Variants in ADCY9 observed in about 807,000 individuals in gnomAD.
ADCY9 encodes the protein adenylate cyclase type 9.
A neutral mutation model predicts 101.5 loss-of-function variants in ADCY9; 50 were observed. The observed-to-expected ratio is 0.49, with a 90% CI of 0.39 to 0.62. ADCY9 has a LOEUF of 0.62. Ranked by LOEUF, ADCY9 falls within the 20% of genes least tolerant of loss-of-function variation. ADCY9 has a pLI of 0.00. For synonymous variants in ADCY9, 905 were observed against 769.3 expected (o/e 1.18, Z -2.92); for missense variants, 1,662 against 1,800.4 (o/e 0.92, Z 1.39).
At chr16:4,105,037 C>G (rs948813226) in intron 2 of ADCY9, among the ~76,000 whole-genome samples, 2 of 142,596 alleles carry the variant, frequency 1.4e-5, no homozygotes, top group Non-Finnish European at 3.0e-5. Flanking sequence ...CCACTGCACT[C>G]CAATGTGGGC....
intron 2 of ADCY9, among the ~76,000 whole-genome samples, chr16:4,072,818 C>T (rs995902529): frequency 2.0e-5 from 3 of 151,630 alleles, no homozygotes; most frequent in Non-Finnish European, 4.4e-5. Context: ...TTAAAAGCTG[C>T]CGGGGTGACA....
chr16:4,113,909 T>G lies in ADCY9; in HGVS notation c.1534A>C (p.Asn512His). ...MRRFKFDVWS[N>H]DVNLANLMEQ... ...ATGAGATTGGCCAGGTTCACATCGT[T>G]GGACCACACGTCAAATTTAAACCTC... Residue 512 changes from asparagine (N) to histidine (H), a missense_variant, in exon 2 of 11, where the codon AAC becomes CAC. By Grantham distance (68) the Asn-to-His change is moderately conservative (BLOSUM62 1). Around this residue, in one of 5 missense-constraint regions of ADCY9, gnomAD observed 228 missense variants for 301.1 expected, o/e 0.76. Transcript: ENST00000294016. The G allele has an allele frequency of 6.2e-7, 1 of 1,614,202 alleles. No homozygotes were observed. The highest frequency in any genetic ancestry group is 8.5e-7 in the Non-Finnish European group (1 of 1,180,030).
At position 4,104,086 on chromosome 16, in the gene ADCY9, G is replaced by A. The variant is rs145761492; in HGVS notation, c.1693+9664C>T. Among the ~76,000 whole-genome samples, 281 of 152,262 alleles carry A rather than the reference G, an allele frequency of 1.8e-3. 1 individual carries two copies. The highest frequency in any genetic ancestry group is 6.5e-3 in the African/African-American group (269 of 41,558). On this transcript the variant is annotated intron_variant, in intron 2 of 10. Coordinates refer to ENST00000294016, the MANE Select transcript of ADCY9 (RefSeq NM_001116.4). ...TACACGTGACCTACAGACAAACCAC[G>A]GTCGTTCAGGCTTGAGTACGGGCAG... is the stretch of plus-strand genomic sequence containing the variant.
intron 2 of ADCY9, among the ~76,000 whole-genome samples, chr16:4,030,666 G>A (rs751482869): frequency 2.0e-5 from 3 of 151,796 alleles, no homozygotes; most frequent in Admixed American, 1.3e-4. Context: ...TCATGGCATC[G>A]CGCTCCAGCC....
At chr16:4,081,136 G>C (rs1008964664) in intron 2 of ADCY9, among the ~76,000 whole-genome samples, 1 of 152,196 alleles carries the variant, frequency 6.6e-6, no homozygotes, top group African/African-American at 2.4e-5. Flanking sequence ...GGCCTGGGGA[G>C]GGACGGTGGC....
At chr16:4,110,376 CTTTTTTTTTTTT>C (rs1170090126) in intron 2 of ADCY9, among the ~76,000 whole-genome samples, 2 of 110,742 alleles carry the variant, frequency 1.8e-5, no homozygotes, top group Non-Finnish European at 3.6e-5. Flanking sequence ...CTTATACCTA[CTTTTTTTTTTTT>C]TTTTTTTTTT....
intron 2 of ADCY9, among the ~76,000 whole-genome samples, chr16:4,038,031 T>C (rs1357220822): frequency 6.6e-6 from 1 of 152,190 alleles, no homozygotes; most frequent in Non-Finnish European, 1.5e-5. Context: ...CCCAACAGTT[T>C]GGGAGGCTGA....
intron 2 of ADCY9, among the ~76,000 whole-genome samples, chr16:4,023,784 C>T (rs1000375327): frequency 6.6e-6 from 1 of 152,020 alleles, no homozygotes. Context: ...GGGGTACATG[C>T]CTGTGATCCC....
At chr16:4,107,550 CAAAAAAAAAAAAA>C (rs61565312) in intron 2 of ADCY9, among the ~76,000 whole-genome samples, 86 of 72,828 alleles carry the variant, frequency 1.2e-3, no homozygotes, top group Admixed American at 2.1e-3. Context: ...GACTCTGTCT[CAAAAAAAAAAAAA>C]AAAAAAAAAA....
chr16:4,033,773 G>A (rs2601802), intron 2 of ADCY9, among the ~76,000 whole-genome samples: 1 of 152,276 alleles, frequency 6.6e-6, no homozygotes, highest in Non-Finnish European at 1.5e-5. Context: ...CCTGGGTTCA[G>A]ATCCCAATTC....
At chr16:4,067,929 T>C (rs115664083) in intron 2 of ADCY9, among the ~76,000 whole-genome samples, 4,522 of 152,262 alleles carry the variant, frequency 0.03, 213 homozygotes, top group African/African-American at 0.1. Flanking sequence ...AACTGCAACA[T>C]AGAATTTAAT....
At chr16:4,086,334 C>T (rs896639342) in intron 2 of ADCY9, among the ~76,000 whole-genome samples, 11 of 152,080 alleles carry the variant, frequency 7.2e-5, no homozygotes, top group African/African-American at 2.4e-4. Flanking sequence ...CCATGTACTA[C>T]GTGGCAGGGG....
intron 2 of ADCY9, among the ~76,000 whole-genome samples, chr16:4,015,977 A>G (rs1445411546): frequency 2.0e-5 from 3 of 150,648 alleles, no homozygotes; most frequent in African/African-American, 7.4e-5. Context: ...CAAAAAAATA[A>G]AAGAAAAAGA....
At chr16:4,062,042 G>C (rs758432368) in intron 2 of ADCY9, among the ~76,000 whole-genome samples, 1 of 152,160 alleles carries the variant, frequency 6.6e-6, no homozygotes, top group Non-Finnish European at 1.5e-5. Context: ...GTGAGCTCTA[G>C]GCACAGTGGC....
intron 5 of ADCY9, among the ~76,000 whole-genome samples, chr16:3,954,447 G>A (rs938483896): frequency 2.0e-5 from 3 of 152,158 alleles, no homozygotes; most frequent in Admixed American, 2.0e-4. Flanking sequence ...TTTCTGAGCC[G>A]GGATCAGGCC....
In ADCY9 at chr16:3,995,803, C is replaced by A. The variant is rs570569900; in HGVS notation, c.1885-2293G>T. ...TTAAATAAAAGAAACAAAGATTCTA[C>A]AGGGTTGTATAGTTTGGGAATCTGA... On this transcript the variant is annotated intron_variant, in intron 3 of 10. Coordinates refer to ENST00000294016, the MANE Select transcript of ADCY9 (RefSeq NM_001116.4). Among the ~76,000 whole-genome samples the A allele has an allele frequency of 4.6e-5, 7 of 152,190 alleles. No individual in the cohort carries two copies. The South Asian group carries it at 1.2e-3, about 27-fold the overall frequency.
rs998739601 is a variant in ADCY9 at position 4,034,840 on chromosome 16, C to T, written c.1694-27282G>A. On this transcript the variant is annotated intron_variant, in intron 2 of 10. Transcript: ENST00000294016. ...GACCCCTGAAGTGTAACTATGAAGGCGGGCTGTGGACCTTGCCGGCTGGAA... is the reference window on the plus strand; with the variant it reads ...GACCCCTGAAGTGTAACTATGAAGGTGGGCTGTGGACCTTGCCGGCTGGAA... 5.3e-5 allele frequency among the ~76,000 whole-genome samples: 8 copies of T among 152,162 alleles called. No homozygotes were observed. The East Asian group carries it at 5.8e-4, about 11-fold the overall frequency.
intron 2 of ADCY9, among the ~76,000 whole-genome samples, chr16:4,028,816 G>A (rs1362328988): frequency 6.7e-6 from 1 of 149,652 alleles, no homozygotes; most frequent in Non-Finnish European, 1.5e-5. Flanking sequence ...ATGGAGTCTT[G>A]CTCTGTCACC....
chr16:3,981,262 C>T (rs1308223908), intron 7 of ADCY9, among the ~76,000 whole-genome samples: 3 of 152,168 alleles, frequency 2.0e-5, no homozygotes, highest in Non-Finnish European at 2.9e-5. Context: ...CAGTCTACAC[C>T]GGGGTTGCCC....
Sources: gnomAD v4.1 joint callset for allele counts (sites outside exome capture counted in the v4.1 genomes callset) on GRCh38, gnomAD v4.1.1 for gene constraint, gnomAD v4.1.1 regional missense constraint, MANE v1.5 for transcripts, NCBI Gene and HGNC (gene_info 2026-07-23, HGNC 2026-07-21) for gene names.